DDAH1: variants seen among roughly 807,000 people sequenced by gnomAD.
The protein encoded by DDAH1 is dimethylarginine dimethylaminohydrolase 1.
A neutral mutation model predicts 28.8 loss-of-function variants in DDAH1; 19 were observed. The ratio of observed to expected loss-of-function variants is 0.66; its 90% CI spans 0.46 to 0.97. DDAH1 has a LOEUF of 0.97. DDAH1 is among the 50% of genes least tolerant of loss of function. The probability of loss-of-function intolerance (pLI) is 0.00; values close to 1 mark genes in which losing one functional copy is unlikely to be tolerated. For missense variants in DDAH1, 326 were observed against 375.9 expected, an observed-to-expected ratio of 0.87 and a Z score of 1.10; for synonymous variants, 153 against 154.4, an observed-to-expected ratio of 0.99 and a Z score of 0.07.
rs1185250487 is a variant in DDAH1, at chr1:85,319,438, T to A, written c.*2014A>T. 1 of 152,228 alleles carries A rather than the reference T, an allele frequency of 6.6e-6. No homozygotes were observed. The highest frequency in any genetic ancestry group is 1.5e-5 in the Non-Finnish European group (1 of 68,036). The allele number at this position is 152,228 out of a possible 1,614,324, so 9.4% of individuals were successfully genotyped here. Reference sequence around the variant, plus strand: ...ATTTGGGATGATAGAAGTAAAGATATTAAAAATTATATGCTGGTAAGCCTA... The same window carrying A: ...ATTTGGGATGATAGAAGTAAAGATAATAAAAATTATATGCTGGTAAGCCTA... On this transcript the variant is annotated 3_prime_UTR_variant, in exon 6 of 6. Coordinates refer to ENST00000284031, the MANE Select transcript of DDAH1 (RefSeq NM_012137.4).
At chr1:85,452,871 G>A (rs775509024) in intron 1 of DDAH1, among the ~76,000 whole-genome samples, 21 of 152,158 alleles carry the variant, frequency 1.4e-4, no homozygotes, top group Admixed American at 5.9e-4. Context: ...CTGGCTAAAC[G>A]ATCACTGAAA....
At chr1:85,575,966 A>G (rs1245513786) in intron 1 of DDAH1, 1 of 152,108 alleles carries the variant, frequency 6.6e-6, no homozygotes, top group Non-Finnish European at 1.5e-5. Context: ...ATGTTAAATG[A>G]TGAGTTAATG....
At chr1:85,396,938 G>C (rs1651840002) in intron 1 of DDAH1, among the ~76,000 whole-genome samples, 2 of 151,832 alleles carry the variant, frequency 1.3e-5, no homozygotes, top group Non-Finnish European at 2.9e-5. Flanking sequence ...GGGAGGCTGA[G>C]AGGTGGGAGG....
At chr1:85,476,926 C>T (rs1655824606) in intron 2 of DDAH1, among the ~76,000 whole-genome samples, 1 of 152,122 alleles carries the variant, frequency 6.6e-6, no homozygotes, top group Admixed American at 6.5e-5. Context: ...GTAGTAGGTG[C>T]TAATACTGTC....
Position 85,404,645 on chromosome 1 carries a change from A to G in DDAH1, c.304-45798T>C, listed in dbSNP as rs1652320928. ...AGAGTTCAATGATACTGTAGACTCA[A>G]GTATTTCTTTAAATTCCACGTAATA... On this transcript the variant is annotated intron_variant, in intron 1 of 5. Coordinates refer to ENST00000284031, the MANE Select transcript of DDAH1 (RefSeq NM_012137.4). 5 of 682,720 alleles carry G rather than the reference A, an allele frequency of 7.3e-6. No individual in the cohort carries two copies. In the African/African-American group the frequency reaches 7.4e-5, roughly 10 times the overall value. The allele number at this position is 682,720 out of a possible 1,614,324, so 42.3% of individuals were successfully genotyped here. A position where few individuals can be genotyped will look rare whatever the true frequency, so the allele number is the denominator to read the frequency against.
chr1:85,504,211 T>A (rs1656927091), intron 1 of DDAH1, among the ~76,000 whole-genome samples: 1 of 152,218 alleles, frequency 6.6e-6, no homozygotes, highest in Non-Finnish European at 1.5e-5. Context: ...GTGTGTTTTA[T>A]TAGATCATGC....
intron 1 of DDAH1, among the ~76,000 whole-genome samples, chr1:85,454,664 A>G (rs1654808515): frequency 6.6e-6 from 1 of 152,220 alleles, no homozygotes; most frequent in African/African-American, 2.4e-5. Context: ...ACTTACCCTT[A>G]TGACGCTATG....
chr1:85,473,631 A>G (rs998130004), intron 2 of DDAH1, among the ~76,000 whole-genome samples: 1 of 152,134 alleles, frequency 6.6e-6, no homozygotes, highest in Non-Finnish European at 1.5e-5. Flanking sequence ...TTGTGGTATT[A>G]ACGCACAATG....
chr1:85,338,763 G>A (rs568207439), intron 4 of DDAH1, among the ~76,000 whole-genome samples: 1 of 152,178 alleles, frequency 6.6e-6, no homozygotes, highest in South Asian at 2.1e-4. Flanking sequence ...TGATCTGGCT[G>A]GGTGTGATGG....
chr1:85,323,394 A>G (rs889583140), intron 5 of DDAH1, among the ~76,000 whole-genome samples: 8 of 152,174 alleles, frequency 5.3e-5, no homozygotes, highest in Non-Finnish European at 1.0e-4. Context: ...TTGGTAGGGT[A>G]AAATCGAAAT....
At chr1:85,547,999 A>G (rs1658677271) in intron 1 of DDAH1, among the ~76,000 whole-genome samples, 1 of 152,232 alleles carries the variant, frequency 6.6e-6, no homozygotes, top group South Asian at 2.1e-4. Context: ...ATAGTCTGTA[A>G]ACCCCAAATA....
intron 3 of DDAH1, 73 bp from the exon 4 acceptor site, chr1:85,350,607 A>G (rs1017722245): frequency 4.3e-5 from 64 of 1,502,272 alleles, no homozygotes; most frequent in Non-Finnish European, 5.7e-5. Context: ...AACCTCCCTG[A>G]AATACACCTA....
At chr1:85,573,784 T>C (rs945423851) in intron 1 of DDAH1, among the ~76,000 whole-genome samples, 2 of 152,220 alleles carry the variant, frequency 1.3e-5, no homozygotes, top group Non-Finnish European at 2.9e-5. Context: ...TAATAGGTTA[T>C]AAATTCCTAC....
chr1:85,321,586 GA>G lies in DDAH1; in HGVS notation c.742-19del. On this transcript the variant is annotated intron_variant, in intron 5 of 5. Coordinates refer to ENST00000284031, the MANE Select transcript of DDAH1 (RefSeq NM_012137.4). ...TCATAAACCTACAGTGGGAATCAAG[GA>G]AAAGGAAGAAAAGAAGGATTATGTT... is the stretch of plus-strand genomic sequence containing the variant. 6.5e-7 allele frequency: 1 copy of G among 1,534,444 alleles called. No homozygotes were observed. The highest frequency in any genetic ancestry group is 9.0e-7 in the Non-Finnish European group (1 of 1,107,634).
intron 4 of DDAH1, among the ~76,000 whole-genome samples, chr1:85,344,576 C>A (rs1050747798): frequency 2.0e-5 from 3 of 151,296 alleles, no homozygotes. Flanking sequence ...TCCCTTCATC[C>A]TTCCCTCCCT....
At position 85,369,891 on chromosome 1, in the gene DDAH1, G is replaced by A. The variant is rs114140322; in HGVS notation, c.304-11044C>T. On this transcript the variant is annotated intron_variant, in intron 1 of 5. Transcript: ENST00000284031. ...TGTGCTGATATCTGAGTGACCAAAAGGACCAACTCTGTTGCCCATAGGAAG... is the reference window on the plus strand; with the variant it reads ...TGTGCTGATATCTGAGTGACCAAAAAGACCAACTCTGTTGCCCATAGGAAG... Among the ~76,000 whole-genome samples, 329 of 152,268 alleles carry A rather than the reference G, an allele frequency of 2.2e-3. 1 individual carries two copies. The highest frequency in any genetic ancestry group is 7.6e-3 in the African/African-American group (317 of 41,552).
intron 1 of DDAH1, among the ~76,000 whole-genome samples, chr1:85,401,136 G>C (rs963341747): frequency 6.6e-6 from 1 of 152,130 alleles, no homozygotes; most frequent in Non-Finnish European, 1.5e-5. Flanking sequence ...ATCATTAAAA[G>C]GCGATCTTCG....
At chr1:85,505,748 T>C (rs936233705) in intron 1 of DDAH1, among the ~76,000 whole-genome samples, 1 of 152,200 alleles carries the variant, frequency 6.6e-6, no homozygotes, top group East Asian at 1.9e-4. Context: ...ATTTGAGAAA[T>C]TTTTGTTTTT....
chr1:85,510,024 G>A (rs1474194738), intron 1 of DDAH1, among the ~76,000 whole-genome samples: 1 of 151,136 alleles, frequency 6.6e-6, no homozygotes, highest in Non-Finnish European at 1.5e-5. Flanking sequence ...TATCTTTCTC[G>A]ACAACTCCAA....
Sources: allele counts gnomAD v4.1 joint callset (sites outside exome capture counted in the v4.1 genomes callset), GRCh38; gene constraint gnomAD v4.1.1; transcripts MANE v1.5; gene names NCBI Gene and HGNC (gene_info 2026-07-23, HGNC 2026-07-21).